Variants in MYT1L observed in about 807,000 individuals in gnomAD.
The protein encoded by MYT1L is myelin transcription factor 1-like protein.
A neutral mutation model predicts 126.7 loss-of-function variants in MYT1L; 12 were observed. The ratio of observed to expected loss-of-function variants is 0.09; its 90% CI spans 0.06 to 0.15. MYT1L has a LOEUF of 0.15. Among genes scored for constraint, MYT1L ranks in the 10% least tolerant of loss-of-function variants. The pLI is 1.00. For missense variants in MYT1L, 979 were observed against 1,585.2 expected (o/e 0.62, Z 6.49); for synonymous variants, 541 against 604.2 (o/e 0.90, Z 1.53).
intron 4 of MYT1L, among the ~76,000 whole-genome samples, chr2:2,001,022 T>C (rs561990162): frequency 6.6e-6 from 1 of 152,198 alleles, no homozygotes; most frequent in East Asian, 1.9e-4. Context: ...TTCTGGAGTT[T>C]GATGAGTTTG....
intron 3 of MYT1L, among the ~76,000 whole-genome samples, chr2:2,162,965 T>G: frequency 6.6e-6 from 1 of 152,092 alleles, no homozygotes; most frequent in East Asian, 1.9e-4. Context: ...GCAAATAAAT[T>G]TACTGCCCGC....
rs1055835211 is a variant in MYT1L at position 2,007,165 on chromosome 2, G to A, written c.-157-9818C>T. 4.6e-5 allele frequency among the ~76,000 whole-genome samples: 7 copies of A among 151,980 alleles called. No individual in the cohort carries two copies. In the East Asian group the frequency reaches 5.8e-4, roughly 13 times the overall value. ...ACATGGGAGTTGCAGGCATCCTTAC[G>A]AGGCATTGATTTTGTCTCCTTTGGA... On this transcript the variant is annotated intron_variant, in intron 4 of 24. Transcript: ENST00000647738.
At chr2:1,925,095 A>T (rs1466538797) in intron 9 of MYT1L, among the ~76,000 whole-genome samples, 1 of 152,242 alleles carries the variant, frequency 6.6e-6, no homozygotes, top group African/African-American at 2.4e-5. Flanking sequence ...GATGAATGAT[A>T]AGCTATGATT....
intron 4 of MYT1L, among the ~76,000 whole-genome samples, chr2:2,048,105 C>G (rs115836811): frequency 6.6e-6 from 1 of 152,102 alleles, no homozygotes; most frequent in East Asian, 1.9e-4. Context: ...CTCCTCCATC[C>G]GTGTTACTGC....
intron 16 of MYT1L, among the ~76,000 whole-genome samples, chr2:1,888,473 T>C (rs573056269): frequency 2.0e-5 from 3 of 152,328 alleles, no homozygotes; most frequent in South Asian, 2.1e-4. Context: ...GGCTAATATT[T>C]CTTTTTTTTC....
At chr2:1,850,618 C>T (rs1424720839) in intron 19 of MYT1L, among the ~76,000 whole-genome samples, 1 of 152,100 alleles carries the variant, frequency 6.6e-6, no homozygotes, top group African/African-American at 2.4e-5. Context: ...TAGAATGCAC[C>T]CGACCTTGGC....
intron 2 of MYT1L, among the ~76,000 whole-genome samples, chr2:2,189,149 G>A (rs1559283124): frequency 1.3e-5 from 2 of 152,156 alleles, no homozygotes; most frequent in Admixed American, 6.5e-5. Context: ...TACTATATAA[G>A]AGCTTCTGAT....
chr2:2,312,242 C>T (rs1200836398), intron 1 of MYT1L, among the ~76,000 whole-genome samples: 3 of 152,172 alleles, frequency 2.0e-5, no homozygotes, highest in Non-Finnish European at 2.9e-5. Context: ...TCTTTGGCTT[C>T]TGATGAGGTT....
intron 8 of MYT1L, among the ~76,000 whole-genome samples, chr2:1,970,794 C>T (rs527394173): frequency 5.3e-5 from 8 of 152,330 alleles, no homozygotes; most frequent in Admixed American, 3.9e-4. Flanking sequence ...AACAGCTGTA[C>T]TGCACGCAAA....
intron 2 of MYT1L, among the ~76,000 whole-genome samples, chr2:2,241,248 A>G (rs1457575624): frequency 1.3e-5 from 2 of 150,808 alleles, no homozygotes; most frequent in Non-Finnish European, 2.9e-5. Flanking sequence ...TTTTAAATGT[A>G]TATTGGTTTC....
chr2:1,802,804 G>A (rs75391821), intron 22 of MYT1L, among the ~76,000 whole-genome samples: 1,713 of 152,366 alleles, frequency 0.011, 45 homozygotes, highest in African/African-American at 0.039. Context: ...CACAGAAGGA[G>A]AGCAGGAGTT....
rs550731901 is a variant in MYT1L at position 1,988,418 on chromosome 2, A to C, written c.1-8641T>G. On this transcript the variant is annotated intron_variant, in intron 5 of 24. Coordinates refer to ENST00000647738, the MANE Select transcript of MYT1L (RefSeq NM_001303052.2). Reference sequence around the variant, plus strand: ...CTGTAGTGGGCAGTATCCTCCGTCTACTCTGCTGGCTCTCCAGATTTCAGT... The same window carrying C: ...CTGTAGTGGGCAGTATCCTCCGTCTCCTCTGCTGGCTCTCCAGATTTCAGT... 1.1e-3 allele frequency among the ~76,000 whole-genome samples: 165 copies of C among 152,138 alleles called. 1 individual carries two copies. The highest frequency in any genetic ancestry group is 3.5e-3 in the South Asian group (17 of 4,812).
At chr2:2,131,296 G>A (rs551579330) in intron 3 of MYT1L, among the ~76,000 whole-genome samples, 17 of 152,314 alleles carry the variant, frequency 1.1e-4, no homozygotes, top group Middle Eastern at 3.4e-3. Context: ...TTAGTGCACA[G>A]ATGCGCATAA....
At chr2:2,330,447 T>C (rs1230267681) in intron 1 of MYT1L, among the ~76,000 whole-genome samples, 1 of 152,228 alleles carries the variant, frequency 6.6e-6, no homozygotes, top group Admixed American at 6.5e-5. Context: ...ATTTCTGTTA[T>C]AAATAACATT....
chr2:1,848,291 C>T lies in MYT1L; in HGVS notation c.2774+3350G>A, dbSNP rs527502669. Among the ~76,000 whole-genome samples, 4 of 50,708 alleles carry T rather than the reference C, an allele frequency of 7.9e-5. No homozygotes were observed. The highest frequency in any genetic ancestry group is 1.4e-4 in the African/African-American group (1 of 7,320). 33.3% of individuals were successfully genotyped at this position (50,708 alleles called of 152,430 possible). On this transcript the variant is annotated intron_variant, in intron 19 of 24. Transcript: ENST00000647738. The surrounding 1 kb of genome is among the most constrained non-coding windows in gnomAD (Gnocchi z 4.8). ...GAGAATTCTACAGACACCACGGAAG[C>T]GCGAGGCATTTGTCCTGGGAGCAGG...
intron 8 of MYT1L, among the ~76,000 whole-genome samples, chr2:1,960,370 T>C (rs765065986): frequency 7.9e-5 from 12 of 152,244 alleles, no homozygotes; most frequent in Non-Finnish European, 1.6e-4. Context: ...GTGAAGCCCC[T>C]TGTCCCAGGC....
intron 3 of MYT1L, among the ~76,000 whole-genome samples, chr2:2,095,560 G>A (rs995947559): frequency 2.0e-5 from 3 of 151,682 alleles, no homozygotes; most frequent in Admixed American, 6.6e-5. Flanking sequence ...ACCTGTGGCC[G>A]CGGGGGGTCA....
At chr2:2,095,497 C>A (rs2077349391) in intron 3 of MYT1L, among the ~76,000 whole-genome samples, 1 of 152,150 alleles carries the variant, frequency 6.6e-6, no homozygotes, top group African/African-American at 2.4e-5. Flanking sequence ...GTTGGAGACA[C>A]CCCAGAAGCA....
rs1407570009 is a variant in MYT1L at position 1,791,286 on chromosome 2, C to G, written c.*581G>C. ...TCCTAAAACAAACAAACAAAAAAGT[C>G]ACATAATATTTCCAAGCATTGTTCA... is the stretch of plus-strand genomic sequence containing the variant. On this transcript the variant is annotated 3_prime_UTR_variant, in exon 25 of 25. Transcript: ENST00000647738. The surrounding 1 kb of genome is among the most constrained non-coding windows in gnomAD (Gnocchi z 6.0). The G allele has an allele frequency of 2.1e-6, 1 of 465,840 alleles. No homozygotes were observed. The highest frequency in any genetic ancestry group is 4.4e-6 in the Non-Finnish European group (1 of 225,772). 28.9% of individuals were successfully genotyped at this position (465,840 alleles called of 1,614,324 possible).
Sources: allele counts gnomAD v4.1 joint callset (sites outside exome capture counted in the v4.1 genomes callset), GRCh38; gene constraint gnomAD v4.1.1; non-coding constraint Gnocchi (gnomAD v3.1); transcripts MANE v1.5; gene names NCBI Gene and HGNC (gene_info 2026-07-23, HGNC 2026-07-21).